The following FRY variants were observed in gnomAD, a reference collection of about 807,000 sequenced individuals.
FRY encodes the protein protein furry homolog.
FRY carries 128 observed loss-of-function variants against 348.4 expected under a neutral mutation model. The observed-to-expected ratio is 0.37, with a 90% CI of 0.32 to 0.43. The LOEUF (loss-of-function observed/expected upper bound fraction) is 0.43, where lower values mean the gene tolerates loss of function less well. Ranked by LOEUF, FRY falls within the 20% of genes least tolerant of loss-of-function variation. The pLI is 1.00. For synonymous variants in FRY, 1,370 were observed against 1,374.7 expected, an observed-to-expected ratio of 1.00 and a Z score of 0.08; for missense variants, 2,736 against 3,695.2, an observed-to-expected ratio of 0.74 and a Z score of 6.73.
Position 32,247,510 on chromosome 13 carries a change from G to A in FRY, c.7008+8G>A. Reference sequence around the variant, plus strand: ...CACTTCGATATTTCGGAGGTACTTAGCTATGTTAACTATTTCTGTGAACTT... The same window carrying A: ...CACTTCGATATTTCGGAGGTACTTAACTATGTTAACTATTTCTGTGAACTT... On this transcript the variant is annotated splice_region_variant and intron_variant, in intron 48 of 60. Coordinates refer to ENST00000542859, the MANE Select transcript of FRY (RefSeq NM_023037.3). 1.2e-6 allele frequency: 2 copies of A among 1,604,544 alleles called. No homozygotes were observed. The highest frequency in any genetic ancestry group is 1.7e-6 in the Non-Finnish European group (2 of 1,171,298).
chr13:32,264,823 C>T (rs1887836211), intron 53 of FRY, among the ~76,000 whole-genome samples: 1 of 152,138 alleles, frequency 6.6e-6, no homozygotes, highest in South Asian at 2.1e-4. Context: ...TAGAGGATCC[C>T]CTATATGGAA....
chr13:32,183,580 A>G (rs1246733191), intron 24 of FRY, among the ~76,000 whole-genome samples: 2 of 152,120 alleles, frequency 1.3e-5, no homozygotes, highest in African/African-American at 4.8e-5. Context: ...GATCGAGACC[A>G]TCCTGGCCAA....
chr13:32,124,954 G>C (rs1878934323), intron 7 of FRY, 79 bp downstream of exon 7: 7 of 1,056,218 alleles, frequency 6.6e-6, no homozygotes, highest in Non-Finnish European at 1.0e-5. Flanking sequence ...AGGGAAGTTG[G>C]GGTTGAGCTT....
intron 16 of FRY, among the ~76,000 whole-genome samples, chr13:32,160,924 C>A (rs1881405668): frequency 6.6e-6 from 1 of 152,118 alleles, no homozygotes; most frequent in Admixed American, 6.5e-5. Context: ...CAGCATTTTT[C>A]TTTTCAGATA....
intron 59 of FRY, chr13:32,292,092 C>T (rs1465756758): frequency 4.7e-5 from 20 of 422,938 alleles, no homozygotes; most frequent in Admixed American, 4.1e-4. Context: ...AAACGATTCT[C>T]CTGCCTCAGC....
chr13:32,258,114 A>G, intron 51 of FRY: 7 of 696,498 alleles, frequency 1.0e-5, no homozygotes, highest in African/African-American at 1.8e-5. Flanking sequence ...GGTGTGTGAT[A>G]TAAGAGGTAT....
intron 16 of FRY, among the ~76,000 whole-genome samples, 185 bp downstream of exon 16, chr13:32,157,590 T>C (rs944213438): frequency 1.3e-5 from 2 of 152,212 alleles, no homozygotes; most frequent in African/African-American, 4.8e-5. Flanking sequence ...CTGTGATTGA[T>C]CTATTTTATT....
At chr13:32,218,033 A>G (rs1299221981) in intron 35 of FRY, among the ~76,000 whole-genome samples, 1 of 152,148 alleles carries the variant, frequency 6.6e-6, no homozygotes, top group East Asian at 1.9e-4. Context: ...TTATAAAGCT[A>G]TTTTTGTGTA....
chr13:32,265,636 A>T lies in FRY; in HGVS notation c.7946+20A>T, dbSNP rs1887881731. On this transcript the variant is annotated intron_variant, in intron 54 of 60. Coordinates refer to ENST00000542859, the MANE Select transcript of FRY (RefSeq NM_023037.3). ...GGCGAGGTAATGGAGCCCTTGGCTG[A>T]TGTGAGTGGTGTGAATGTGCATGGT... 1 of 1,611,266 alleles carries T rather than the reference A, an allele frequency of 6.2e-7. No homozygotes were observed. The highest frequency in any genetic ancestry group is 8.5e-7 in the Non-Finnish European group (1 of 1,178,168).
chr13:32,266,573 G>C (rs532209232), intron 54 of FRY, among the ~76,000 whole-genome samples: 1 of 152,352 alleles, frequency 6.6e-6, no homozygotes, highest in African/African-American at 2.4e-5. Context: ...CTCTGTGAAA[G>C]TGAGAGGCAT....
Position 32,053,904 on chromosome 13 carries a change from C to A in FRY, c.70+22039C>A, listed in dbSNP as rs562684020. On this transcript the variant is annotated intron_variant, in intron 1 of 60. Coordinates refer to ENST00000542859, the MANE Select transcript of FRY (RefSeq NM_023037.3). ...TGCTCCTTCACTGCACAAGGAGAAT[C>A]GCTTGAACCCAGGATGCGGAGGTTG... Among the ~76,000 whole-genome samples, 3 of 152,236 alleles carry A rather than the reference C, an allele frequency of 2.0e-5. No individual in the cohort carries two copies. In the East Asian group the frequency reaches 5.8e-4, roughly 29 times the overall value.
intron 3 of FRY, among the ~76,000 whole-genome samples, chr13:32,109,920 AAGGGT>A (rs1877845573): frequency 6.6e-6 from 1 of 152,146 alleles, no homozygotes; most frequent in Non-Finnish European, 1.5e-5. Flanking sequence ...TGGCTAGAAA[AAGGGT>A]AGTTTGGAAA....
chr13:32,091,902 G>A (rs151242738), intron 2 of FRY, among the ~76,000 whole-genome samples: 1 of 152,168 alleles, frequency 6.6e-6, no homozygotes, highest in Non-Finnish European at 1.5e-5. Context: ...AGGTCTCTCA[G>A]ATTTCAAAGC....
chr13:32,268,771 G>A (rs1366529167), intron 55 of FRY, among the ~76,000 whole-genome samples: 4 of 151,766 alleles, frequency 2.6e-5, no homozygotes, highest in Middle Eastern at 3.4e-3. Flanking sequence ...AGGTTCAAGC[G>A]ATTCTCCTGC....
chr13:32,231,441 G>A (rs1337324035), intron 41 of FRY, 141 bp downstream of exon 41: 14 of 824,954 alleles, frequency 1.7e-5, no homozygotes, highest in Non-Finnish European at 2.5e-5. Flanking sequence ...GAGTTCTGAA[G>A]CTTGTTCAGA....
intron 1 of FRY, among the ~76,000 whole-genome samples, chr13:32,043,134 A>G (rs1872829156): frequency 6.6e-6 from 1 of 152,178 alleles, no homozygotes; most frequent in African/African-American, 2.4e-5. Flanking sequence ...GCGGCAAGAG[A>G]GAGAATGAGA....
chr13:32,293,066 A>C (rs1010321363), intron 59 of FRY, among the ~76,000 whole-genome samples: 13 of 152,202 alleles, frequency 8.5e-5, no homozygotes, highest in African/African-American at 3.1e-4. Flanking sequence ...TTGTGTAAAC[A>C]TAATTTTTAT....
intron 3 of FRY, among the ~76,000 whole-genome samples, chr13:32,105,854 T>C (rs1391081657): frequency 6.6e-6 from 1 of 152,088 alleles, no homozygotes; most frequent in East Asian, 1.9e-4. Flanking sequence ...AGGTATCTAC[T>C]GTTTCACTGA....
At chr13:32,281,028 G>A (rs550068527) in intron 58 of FRY, among the ~76,000 whole-genome samples, 376 of 151,668 alleles carry the variant, frequency 2.5e-3, no homozygotes, top group African/African-American at 8.6e-3. Flanking sequence ...TTTCCTATTC[G>A]TGCACCTCTT....
Sources: gnomAD v4.1 joint callset for allele counts (sites outside exome capture counted in the v4.1 genomes callset) on GRCh38, gnomAD v4.1.1 for gene constraint, MANE v1.5 for transcripts, NCBI Gene and HGNC (gene_info 2026-07-23, HGNC 2026-07-21) for gene names.